The following MAPKAPK2 variants were observed in gnomAD, a reference collection of about 807,000 sequenced individuals.
MAPKAPK2 encodes MAPK activated protein kinase 2.
A neutral mutation model predicts 48.8 loss-of-function variants in MAPKAPK2; 9 were observed. That is an observed-to-expected ratio of 0.18 (90% CI 0.11 to 0.32). The LOEUF is 0.32. Ranked by LOEUF, MAPKAPK2 falls within the 10% of genes least tolerant of loss-of-function variation. The probability of loss-of-function intolerance (pLI) is 1.00; values close to 1 mark genes in which losing one functional copy is unlikely to be tolerated. For missense variants in MAPKAPK2, 331 were observed against 498.3 expected, an observed-to-expected ratio of 0.66 and a Z score of 3.20; for synonymous variants, 202 against 190.6, an observed-to-expected ratio of 1.06 and a Z score of -0.49.
intron 1 of MAPKAPK2, among the ~76,000 whole-genome samples, chr1:206,694,341 T>A (rs1672550893): frequency 6.6e-6 from 1 of 152,218 alleles, no homozygotes; most frequent in African/African-American, 2.4e-5. Flanking sequence ...CATGTGTCGA[T>A]GGCCTCCTTC....
intron 1 of MAPKAPK2, chr1:206,696,344 C>A: frequency 1.4e-6 from 1 of 726,736 alleles, no homozygotes; most frequent in Admixed American, 2.0e-5. Flanking sequence ...CTGTAAATCC[C>A]CTGAAAACCT....
intron 1 of MAPKAPK2, among the ~76,000 whole-genome samples, chr1:206,726,016 A>G (rs1158077948): frequency 1.3e-5 from 2 of 152,226 alleles, no homozygotes; most frequent in African/African-American, 4.8e-5. Flanking sequence ...TTATATACAA[A>G]GGAAATTGGC....
At chr1:206,710,711 A>G (rs1277713330) in intron 1 of MAPKAPK2, among the ~76,000 whole-genome samples, 1 of 152,224 alleles carries the variant, frequency 6.6e-6, no homozygotes, top group East Asian at 1.9e-4. Context: ...CCTTGAAGAT[A>G]TTTCACAACA....
At chr1:206,714,554 G>A (rs1176162323) in intron 1 of MAPKAPK2, among the ~76,000 whole-genome samples, 3 of 151,852 alleles carry the variant, frequency 2.0e-5, no homozygotes, top group Middle Eastern at 3.4e-3. Flanking sequence ...CCTGAGGTCA[G>A]GAGTTCGAAA....
In MAPKAPK2 at chr1:206,731,558, G is replaced by GT. The variant is rs1407783746; in HGVS notation, c.893-79dup. ...TCCATGCACCCCCTCTTTGAACCTGGTTTCCCCATGAAAACTGGGGAAAGG... is the reference window on the plus strand; with the variant it reads ...TCCATGCACCCCCTCTTTGAACCTGGTTTTCCCCATGAAAACTGGGGAAAGG... On this transcript the variant is annotated intron_variant, in intron 7 of 9. Transcript: ENST00000367103. This position sits in a 1 kb window ranked among gnomAD's most constrained non-coding sequence, Gnocchi z 5.9. The GT allele has an allele frequency of 7.8e-7, 1 of 1,290,212 alleles. No homozygotes were observed. The highest frequency in any genetic ancestry group is 1.1e-6 in the Non-Finnish European group (1 of 886,446). 79.9% of individuals were successfully genotyped at this position (1,290,212 alleles called of 1,614,324 possible).
rs1173858137 is a variant in MAPKAPK2 at position 206,729,434 on chromosome 1, C to T, written c.523C>T (p.Gln175Ter). 1 of 1,614,044 alleles carries T rather than the reference C, an allele frequency of 6.2e-7. No homozygotes were observed. Among genetic ancestry groups the T allele is most frequent in the Non-Finnish European group, 8.5e-7 (1 of 1,180,012 alleles). The change falls in exon 4 of 10, where the codon CAG (glutamine) becomes TAG (stop). Residue 175 changes from glutamine (Q) to a stop codon, truncating the protein, a stop_gained. Coordinates refer to ENST00000367103, the MANE Select transcript of MAPKAPK2 (RefSeq NM_032960.4). LOFTEE classifies it high-confidence loss of function. Reference protein sequence around the residue: ...EIMKSIGEAIQYLHSINIAHR... With the variant: ...EIMKSIGEAI ...CATGAAGAGCATCGGTGAGGCCATC[C>T]AGTATCTGCATTCAATCAACATTGC...
intron 1 of MAPKAPK2, among the ~76,000 whole-genome samples, chr1:206,713,883 A>G (rs963661171): frequency 6.6e-6 from 1 of 151,314 alleles, no homozygotes; most frequent in South Asian, 2.1e-4. Flanking sequence ...GAAAGCACAC[A>G]AGAGAAAAGG....
chr1:206,702,904 C>T (rs1672842374), intron 1 of MAPKAPK2, among the ~76,000 whole-genome samples: 2 of 152,110 alleles, frequency 1.3e-5, no homozygotes, highest in Admixed American at 6.5e-5. Context: ...TAGATTTTAC[C>T]CCCTTACTCC....
intron 1 of MAPKAPK2, among the ~76,000 whole-genome samples, chr1:206,702,084 C>T (rs1672815539): frequency 6.6e-6 from 1 of 152,160 alleles, no homozygotes; most frequent in Non-Finnish European, 1.5e-5. Flanking sequence ...TTGGCAACCA[C>T]CAACCTATCA....
chr1:206,694,520 T>C (rs1672555975), intron 1 of MAPKAPK2, among the ~76,000 whole-genome samples: 1 of 152,188 alleles, frequency 6.6e-6, no homozygotes, highest in African/African-American at 2.4e-5. Flanking sequence ...TCTTTCCCTA[T>C]CCCGACTGCC....
intron 1 of MAPKAPK2, among the ~76,000 whole-genome samples, chr1:206,709,093 C>T (rs74147684): frequency 0.013 from 2,016 of 152,266 alleles, 36 homozygotes; most frequent in African/African-American, 0.046. Context: ...TTTCATTTCT[C>T]CTGGGTAAAC....
chr1:206,695,731 A>C, intron 1 of MAPKAPK2: 1 of 271,650 alleles, frequency 3.7e-6, no homozygotes, highest in Non-Finnish European at 7.2e-6. Context: ...TTCTCTGTTT[A>C]AGTGCATTTC....
At chr1:206,712,676 A>T (rs1572498887) in intron 1 of MAPKAPK2, among the ~76,000 whole-genome samples, 1 of 152,102 alleles carries the variant, frequency 6.6e-6, no homozygotes, top group African/African-American at 2.4e-5. Flanking sequence ...ATACTAGGCA[A>T]AGCCAGTCTG....
intron 5 of MAPKAPK2, 80 bp from the exon 6 acceptor site, chr1:206,730,606 TGG>T: frequency 8.3e-7 from 1 of 1,204,698 alleles, no homozygotes; most frequent in African/African-American, 1.5e-5. Flanking sequence ...AAGGTTGGGA[TGG>T]GGAGCATCTT....
chr1:206,701,915 C>T (rs1572487865), intron 1 of MAPKAPK2, among the ~76,000 whole-genome samples: 1 of 151,572 alleles, frequency 6.6e-6, no homozygotes, highest in East Asian at 1.9e-4. Flanking sequence ...CCCAGTGGCT[C>T]CCAAACCAGG....
At chr1:206,720,249 A>G (rs1673473421) in intron 1 of MAPKAPK2, among the ~76,000 whole-genome samples, 1 of 152,262 alleles carries the variant, frequency 6.6e-6, no homozygotes, top group South Asian at 2.1e-4. Context: ...CTAATTGTAA[A>G]TCACCTAGAA....
At chr1:206,721,574 TTTTGAACTC>T (rs1285852933) in intron 1 of MAPKAPK2, among the ~76,000 whole-genome samples, 1 of 152,198 alleles carries the variant, frequency 6.6e-6, no homozygotes, top group East Asian at 1.9e-4. Flanking sequence ...CTTGGGCAGA[TTTTGAACTC>T]TTTGCCTTAC....
intron 1 of MAPKAPK2, among the ~76,000 whole-genome samples, chr1:206,706,318 C>T (rs1672957932): frequency 1.3e-5 from 2 of 152,128 alleles, no homozygotes; most frequent in African/African-American, 4.8e-5. Flanking sequence ...CCCAGAGTCA[C>T]TCAGATGGGG....
chr1:206,725,363 C>T (rs1553431746), intron 1 of MAPKAPK2, among the ~76,000 whole-genome samples: 1 of 152,156 alleles, frequency 6.6e-6, no homozygotes, highest in African/African-American at 2.4e-5. Context: ...AGAAACCCAG[C>T]CTACAATCTT....
Sources: allele counts gnomAD v4.1 joint callset (sites outside exome capture counted in the v4.1 genomes callset), GRCh38; gene constraint gnomAD v4.1.1; non-coding constraint Gnocchi (gnomAD v3.1); transcripts MANE v1.5; gene names NCBI Gene and HGNC (gene_info 2026-07-23, HGNC 2026-07-21).